Variants in PIEZO2 observed in about 807,000 individuals in gnomAD.
PIEZO2 encodes piezo type mechanosensitive ion channel component 2, also known as piezo-type mechanosensitive ion channel component 2.
PIEZO2 carries 172 observed loss-of-function variants against 337.3 expected under a neutral mutation model. The observed-to-expected ratio is 0.51, with a 90% confidence interval of 0.45 to 0.58. The LOEUF is 0.58. Among genes scored for constraint, PIEZO2 ranks in the 20% least tolerant of loss-of-function variants. PIEZO2 has a pLI of 0.00. For missense variants in PIEZO2, 3,028 were observed against 3,391.3 expected (o/e 0.89, Z 2.66); for synonymous variants, 1,251 against 1,228.5 (o/e 1.02, Z -0.38).
At chr18:11,141,715 C>T (rs1174203073) in intron 1 of PIEZO2, among the ~76,000 whole-genome samples, 1 of 152,026 alleles carries the variant, frequency 6.6e-6, no homozygotes, top group African/African-American at 2.4e-5. Context: ...CAGAGAAGGC[C>T]CCGGGGAGAC....
Position 10,752,699 on chromosome 18 carries a change from C to T in PIEZO2, c.4104G>A (p.Leu1368=), listed in dbSNP as rs1235401400. ...DLLLKPIKSI[L]RYWDWLIAYN... is the part of the protein sequence containing the mutation. ...ATGCGATCAGCCAGTCCCAGTAGCG[C>T]AGGATGCTCTTGATGGGTTTCAACA... The change falls in exon 28 of 56, where the codon CTG becomes CTA. Residue 1368 remains leucine (L), a synonymous_variant. Coordinates refer to ENST00000674853, the MANE Select transcript of PIEZO2 (RefSeq NM_001378183.1). The T allele has an allele frequency of 2.6e-6, 4 of 1,537,086 alleles. No homozygotes were observed. Among genetic ancestry groups the T allele is most frequent in the Non-Finnish European group, 3.5e-6 (4 of 1,146,906 alleles).
chr18:10,714,032 T>TG (rs2035917561), intron 39 of PIEZO2, among the ~76,000 whole-genome samples: 2 of 152,334 alleles, frequency 1.3e-5, no homozygotes, highest in East Asian at 3.9e-4. Flanking sequence ...GCTTGGGTTC[T>TG]GAGCTAAACC....
At position 10,791,491 on chromosome 18, in the gene PIEZO2, T is replaced by G. The variant is rs556813908; in HGVS notation, c.1759-167A>C. 1.4e-4 allele frequency: 90 copies of G among 663,046 alleles called. 1 individual carries two copies. In the South Asian group the frequency reaches 2.2e-3, roughly 16 times the overall value. 41.1% of individuals were successfully genotyped at this position (663,046 alleles called of 1,614,324 possible). ...CTTGACTTCAGCTGAGATTCACTGC[T>G]TTTAAGTCCCTTTTCCGAGGATGCT... On this transcript the variant is annotated intron_variant, in intron 13 of 55. Transcript: ENST00000674853.
chr18:11,086,422 G>C (rs1185047933), intron 1 of PIEZO2, among the ~76,000 whole-genome samples: 1 of 151,412 alleles, frequency 6.6e-6, no homozygotes, highest in Non-Finnish European at 1.5e-5. Context: ...AGGAGGCTGA[G>C]GCAGGAGAAT....
rs1169444883 is a variant in PIEZO2, at chr18:10,962,491, A to G, written c.286+17044T>C. On this transcript the variant is annotated intron_variant, in intron 3 of 55. Transcript: ENST00000674853. The surrounding 1 kb of genome is among the most constrained non-coding windows in gnomAD (Gnocchi z 4.1). ...CTCCTTGCTCCTTGGTGTAGAGTTC[A>G]TGGCCAAGCTTCCTCCAGTCTCTGT... Among the ~76,000 whole-genome samples, 1 of 152,082 alleles carries G rather than the reference A, an allele frequency of 6.6e-6. No homozygotes were observed. Among genetic ancestry groups the G allele is most frequent in the Non-Finnish European group, 1.5e-5 (1 of 68,014 alleles).
intron 9 of PIEZO2, among the ~76,000 whole-genome samples, chr18:10,803,582 A>G (rs750376715): frequency 2.0e-5 from 3 of 152,196 alleles, no homozygotes; most frequent in Non-Finnish European, 4.4e-5. Flanking sequence ...TTGCTTTGCT[A>G]CTTTTGTTTG....
chr18:10,782,351 TTATAATTA>T, intron 17 of PIEZO2, among the ~76,000 whole-genome samples: 1 of 58,638 alleles, frequency 1.7e-5, no homozygotes, highest in Non-Finnish European at 2.7e-5. Context: ...TTATAATATA[TTATAATTA>T]TATATAAATA....
At position 10,980,784 on chromosome 18, in the gene PIEZO2, A is replaced by G. The variant is rs902998835; in HGVS notation, c.161-1124T>C. The stretch of plus-strand genomic sequence containing the variant: ...GCAAAAAAATTGAAAAGGTTTTGTC[A>G]ATGTGTCAATTTGGCTAGGCTGTAA... On this transcript the variant is annotated intron_variant, in intron 2 of 55. Coordinates refer to ENST00000674853, the MANE Select transcript of PIEZO2 (RefSeq NM_001378183.1). This position sits in a 1 kb window ranked among gnomAD's most constrained non-coding sequence, Gnocchi z 4.8. 6.6e-6 allele frequency among the ~76,000 whole-genome samples: 1 copy of G among 152,196 alleles called. No homozygotes were observed. The highest frequency in any genetic ancestry group is 6.6e-5 in the Admixed American group (1 of 15,266).
At chr18:10,910,656 C>T (rs756190186) in intron 4 of PIEZO2, among the ~76,000 whole-genome samples, 1 of 151,996 alleles carries the variant, frequency 6.6e-6, no homozygotes, top group South Asian at 2.1e-4. Flanking sequence ...GACCTACCAG[C>T]ACATTTTCTG....
Position 11,001,301 on chromosome 18 carries a change from A to C in PIEZO2, c.161-21641T>G, listed in dbSNP as rs1417792934. ...GTCATCTGGCCACGATTTCCTCAGC[A>C]GCTAGTAGAGAAGGCCAAAAGTCAG... On this transcript the variant is annotated intron_variant, in intron 2 of 55. Transcript: ENST00000674853. The surrounding 1 kb of genome is among the most constrained non-coding windows in gnomAD (Gnocchi z 5.3). Among the ~76,000 whole-genome samples the C allele has an allele frequency of 1.3e-5, 2 of 152,120 alleles. No individual in the cohort carries two copies. The highest frequency in any genetic ancestry group is 2.9e-5 in the Non-Finnish European group (2 of 68,020).
At chr18:11,090,365 C>T (rs1022784759) in intron 1 of PIEZO2, among the ~76,000 whole-genome samples, 1 of 152,122 alleles carries the variant, frequency 6.6e-6, no homozygotes, top group Non-Finnish European at 1.5e-5. Context: ...CAAAGTGAAA[C>T]ATAAGTATCT....
rs554271732 is a variant in PIEZO2, at chr18:10,958,164, T to C, written c.286+21371A>G. Among the ~76,000 whole-genome samples, 3 of 152,300 alleles carry C rather than the reference T, an allele frequency of 2.0e-5. No homozygotes were observed. The South Asian group carries it at 6.2e-4, about 32-fold the overall frequency. ...ATGAATAAATAAATAAAATGTGTTA[T>C]AAAAGTATATACACAATGGAATACT... On this transcript the variant is annotated intron_variant, in intron 3 of 55. Transcript: ENST00000674853.
intron 3 of PIEZO2, among the ~76,000 whole-genome samples, chr18:10,928,338 C>A (rs2031877103): frequency 6.6e-6 from 1 of 152,266 alleles, no homozygotes; most frequent in African/African-American, 2.4e-5. Flanking sequence ...AGAGGCATGG[C>A]CGCTCCAAGC....
At chr18:10,963,027 C>G (rs1226830509) in intron 3 of PIEZO2, among the ~76,000 whole-genome samples, 5 of 152,158 alleles carry the variant, frequency 3.3e-5, no homozygotes, top group Non-Finnish European at 2.9e-5. Flanking sequence ...TGGTTCATGC[C>G]TGTAATCCCA....
chr18:10,714,144 C>T (rs184667702), intron 39 of PIEZO2, among the ~76,000 whole-genome samples: 37 of 152,230 alleles, frequency 2.4e-4, no homozygotes, highest in African/African-American at 7.0e-4. Context: ...CTTTGCAAAA[C>T]AGGGATAATA....
At chr18:11,017,816 GC>G (rs1290493037) in intron 2 of PIEZO2, among the ~76,000 whole-genome samples, 2 of 152,068 alleles carry the variant, frequency 1.3e-5, no homozygotes, top group African/African-American at 4.8e-5. Context: ...GTTTCTTACG[GC>G]TGCTCTAACA....
At chr18:10,696,939 A>G (rs1369102384) in intron 45 of PIEZO2, among the ~76,000 whole-genome samples, 1 of 152,124 alleles carries the variant, frequency 6.6e-6, no homozygotes, top group East Asian at 1.9e-4. Flanking sequence ...TGATGAGAAG[A>G]CCTGATGCCT....
At chr18:10,920,373 C>T (rs951139892) in intron 3 of PIEZO2, among the ~76,000 whole-genome samples, 32 of 152,022 alleles carry the variant, frequency 2.1e-4, no homozygotes, top group Non-Finnish European at 1.2e-4. Context: ...AAAAAGTTAT[C>T]GGAACAGTTA....
Position 10,813,122 on chromosome 18 carries a change from G to A in PIEZO2, c.918-5848C>T, listed in dbSNP as rs982143080. The stretch of plus-strand genomic sequence containing the variant: ...AGCCTCCGGAGTATCTAGGATTACA[G>A]GCACGCGCCACCACGCTCAGCTAAG... On this transcript the variant is annotated intron_variant, in intron 7 of 55. Transcript: ENST00000674853. The surrounding 1 kb of genome is among the most constrained non-coding windows in gnomAD (Gnocchi z 4.2). Among the ~76,000 whole-genome samples, 7 of 151,908 alleles carry A rather than the reference G, an allele frequency of 4.6e-5. No individual in the cohort carries two copies. Among genetic ancestry groups the A allele is most frequent in the Non-Finnish European group, 7.4e-5 (5 of 67,998 alleles).
Sources: gnomAD v4.1 joint callset for allele counts (sites outside exome capture counted in the v4.1 genomes callset) on GRCh38, gnomAD v4.1.1 for gene constraint, Gnocchi (gnomAD v3.1) non-coding constraint, MANE v1.5 for transcripts, NCBI Gene and HGNC (gene_info 2026-07-23, HGNC 2026-07-21) for gene names.